The following SYNE2 variants were observed in gnomAD, a reference collection of about 807,000 sequenced individuals.
SYNE2 encodes the protein nesprin-2.
Under a neutral mutation model 856.3 loss-of-function variants are expected in SYNE2, and 431 were observed. The ratio of observed to expected loss-of-function variants is 0.50; its 90% CI spans 0.47 to 0.55. The LOEUF is 0.55. SYNE2 is among the 20% of genes least tolerant of loss of function. The probability of loss-of-function intolerance (pLI) is 0.00; values close to 1 mark genes in which losing one functional copy is unlikely to be tolerated. For missense variants in SYNE2, 8,129 were observed against 8,023.2 expected (o/e 1.01, Z -0.50); for synonymous variants, 2,923 against 2,872.3 (o/e 1.02, Z -0.56).
chr14:64,155,789 G>GT (rs1400825493), intron 85 of SYNE2, among the ~76,000 whole-genome samples: 2 of 152,194 alleles, frequency 1.3e-5, no homozygotes, highest in African/African-American at 4.8e-5. Context: ...TTAGCCGGAT[G>GT]TGGTGGCATG....
chr14:64,077,772 A>G (rs144326681), intron 54 of SYNE2, among the ~76,000 whole-genome samples: 1 of 152,308 alleles, frequency 6.6e-6, no homozygotes, highest in African/African-American at 2.4e-5. Context: ...TTGGAAAGTG[A>G]TACATTCAAC....
chr14:64,125,962 C>A (rs2097940962), intron 71 of SYNE2, among the ~76,000 whole-genome samples: 4 of 152,182 alleles, frequency 2.6e-5, no homozygotes, highest in Admixed American at 2.6e-4. Context: ...TCATTAACCG[C>A]TTTCTCCTAC....
chr14:64,128,598 A>G lies in SYNE2; in HGVS notation c.14019+45A>G, dbSNP rs780806592. On this transcript the variant is annotated intron_variant, in intron 74 of 115. Coordinates refer to ENST00000555002, the MANE Select transcript of SYNE2 (RefSeq NM_182914.3). ...TCAGACTGACTTAACTTTGAACCAC[A>G]GAGCTTTGCATATAAGCCGTGCTTC... The G allele has an allele frequency of 1.5e-5, 18 of 1,189,062 alleles. No homozygotes were observed. In the African/African-American group the frequency reaches 2.7e-4, roughly 18 times the overall value. 73.7% of individuals were successfully genotyped at this position (1,189,062 alleles called of 1,614,324 possible). A position where few individuals can be genotyped will look rare whatever the true frequency, so the allele number is the denominator to read the frequency against.
chr14:63,836,364 T>C (rs1302413456), intron 1 of SYNE2, among the ~76,000 whole-genome samples: 5 of 152,146 alleles, frequency 3.3e-5, no homozygotes, highest in Admixed American at 6.6e-5. Flanking sequence ...TTATGTATTA[T>C]AAAATACTTC....
Position 64,202,931 on chromosome 14 carries a change from C to G in SYNE2, c.18169C>G (p.Gln6057Glu), listed in dbSNP as rs919132800. ...KPVVYDVCDD[Q>E]EIQKRLAEQQ... The stretch of plus-strand genomic sequence containing the variant: ...TGTTGTTTATGATGTCTGCGATGAT[C>G]AAGAGATCCAGAAGAGGCTCGCTGA... The change falls in exon 100 of 116, where the codon CAA becomes GAA. Residue 6057 changes from glutamine (Q) to glutamate (E), a missense_variant. Coordinates refer to ENST00000555002, the MANE Select transcript of SYNE2 (RefSeq NM_182914.3). 13 of 1,614,180 alleles carry G rather than the reference C, an allele frequency of 8.1e-6. No homozygotes were observed. Among genetic ancestry groups the G allele is most frequent in the East Asian group, 4.5e-5 (2 of 44,888 alleles).
chr14:64,189,738 C>T (rs1287489954), intron 98 of SYNE2, among the ~76,000 whole-genome samples: 4 of 152,182 alleles, frequency 2.6e-5, no homozygotes. Context: ...GTGGCGAGAT[C>T]ATAGCTCACT....
At chr14:63,879,357 C>A (rs753144575) in intron 1 of SYNE2, among the ~76,000 whole-genome samples, 6 of 152,158 alleles carry the variant, frequency 3.9e-5, no homozygotes, top group South Asian at 2.1e-4. Flanking sequence ...AGAATCAGCC[C>A]CAGTGAACTT....
chr14:64,048,189 G>T (rs1252388959), intron 46 of SYNE2, 34 bp downstream of exon 46: 1 of 1,604,574 alleles, frequency 6.2e-7, no homozygotes, highest in African/African-American at 1.3e-5. Flanking sequence ...CAACATGATT[G>T]CATCATTTAT....
intron 100 of SYNE2, chr14:64,208,271 G>A: frequency 2.4e-6 from 1 of 415,318 alleles, no homozygotes; most frequent in Non-Finnish European, 4.7e-6. Flanking sequence ...CATCCACACT[G>A]CTGCATGCAC....
At chr14:63,818,832 G>A (rs1595142218) in intron 1 of SYNE2, among the ~76,000 whole-genome samples, 3 of 151,100 alleles carry the variant, frequency 2.0e-5, no homozygotes, top group African/African-American at 7.3e-5. Context: ...CCAAGCAGCT[G>A]GTAATACAGG....
intron 1 of SYNE2, among the ~76,000 whole-genome samples, chr14:63,811,050 T>A (rs973907409): frequency 1.3e-5 from 2 of 152,126 alleles, no homozygotes; most frequent in Non-Finnish European, 1.5e-5. Context: ...TTAGACAGGA[T>A]GTTCTTGATC....
Position 64,149,527 on chromosome 14 carries a change from CATATT to C in SYNE2, c.15640-3033_15640-3029del, listed in dbSNP as rs576342162. Among the ~76,000 whole-genome samples, 20 of 152,174 alleles carry C rather than the reference CATATT, an allele frequency of 1.3e-4. No homozygotes were observed. In the South Asian group the frequency reaches 4.2e-3, roughly 32 times the overall value. ...ATGACTGGAAAAAGGCCACGTTTGA[CATATT>C]ATAATTATCAAGGAAAATTGTATAG... On this transcript the variant is annotated intron_variant, in intron 84 of 115. Transcript: ENST00000555002.
chr14:63,996,079 C>G (rs2096712010), intron 23 of SYNE2, among the ~76,000 whole-genome samples: 1 of 152,150 alleles, frequency 6.6e-6, no homozygotes, highest in African/African-American at 2.4e-5. Context: ...TTTCGGAGAA[C>G]TCAAATTCAG....
At chr14:63,841,379 A>G (rs1489540896) in intron 1 of SYNE2, among the ~76,000 whole-genome samples, 1 of 152,226 alleles carries the variant, frequency 6.6e-6, no homozygotes, top group Non-Finnish European at 1.5e-5. Context: ...GGAAACAGGA[A>G]GCACATCTCT....
intron 1 of SYNE2, among the ~76,000 whole-genome samples, chr14:63,772,969 G>A (rs747659244): frequency 1.3e-5 from 2 of 151,634 alleles, no homozygotes; most frequent in Non-Finnish European, 2.9e-5. Flanking sequence ...AGTAAAATGG[G>A]GTTTCACCAT....
At chr14:63,907,131 C>G (rs536473871) in intron 1 of SYNE2, among the ~76,000 whole-genome samples, 20 of 152,204 alleles carry the variant, frequency 1.3e-4, no homozygotes, top group Middle Eastern at 3.2e-3. Context: ...AGTGATGGGG[C>G]ATGCAGTCTC....
intron 51 of SYNE2, among the ~76,000 whole-genome samples, chr14:64,068,861 C>CAAAAAAAAAAAAAAAAAAAAA (rs10546690): frequency 1.3e-5 from 1 of 76,644 alleles, no homozygotes; most frequent in African/African-American, 4.4e-5. Context: ...GACTCCGTCT[C>CAAAAAAAAAAAAAAAAAAAAA]AAAAAAAAAA....
chr14:64,028,801 G>A (rs927868650), intron 43 of SYNE2, among the ~76,000 whole-genome samples: 16 of 152,004 alleles, frequency 1.1e-4, no homozygotes, highest in African/African-American at 3.6e-4. Flanking sequence ...CTTCTTATCA[G>A]TGCCCCTCCC....
intron 1 of SYNE2, among the ~76,000 whole-genome samples, chr14:63,768,003 A>T (rs978821732): frequency 1.3e-5 from 2 of 152,042 alleles, no homozygotes; most frequent in African/African-American, 4.8e-5. Context: ...GGACCAGCCT[A>T]GGCAGCATGG....
Sources: allele counts gnomAD v4.1 joint callset (sites outside exome capture counted in the v4.1 genomes callset), GRCh38; gene constraint gnomAD v4.1.1; transcripts MANE v1.5; gene names NCBI Gene and HGNC (gene_info 2026-07-23, HGNC 2026-07-21).